Variants in GSG1L observed in about 807,000 individuals in gnomAD.
GSG1L encodes germ cell-specific gene 1-like protein.
GSG1L carries 24 observed loss-of-function variants against 42.1 expected under a neutral mutation model. The ratio of observed to expected loss-of-function variants is 0.57; its 90% CI spans 0.41 to 0.80. GSG1L has a LOEUF of 0.80. GSG1L is among the 30% of genes least tolerant of loss of function. The probability of loss-of-function intolerance (pLI) is 0.00; values close to 1 mark genes in which losing one functional copy is unlikely to be tolerated. For missense variants in GSG1L, 445 were observed against 472.2 expected (o/e 0.94, Z 0.53); for synonymous variants, 215 against 203.5 (o/e 1.06, Z -0.48).
chr16:27,984,424 T>C (rs1004491578), intron 1 of GSG1L, among the ~76,000 whole-genome samples: 8 of 152,172 alleles, frequency 5.3e-5, no homozygotes, highest in Admixed American at 2.0e-4. Flanking sequence ...TTTTGGCCCA[T>C]GGCATGAGTA....
At chr16:27,974,941 A>C (rs1272816644) in intron 1 of GSG1L, among the ~76,000 whole-genome samples, 2 of 152,116 alleles carry the variant, frequency 1.3e-5, no homozygotes, top group African/African-American at 4.8e-5. Flanking sequence ...GCTGGTAACC[A>C]AGGGAAACCC....
At chr16:27,839,250 C>T (rs908478048) in intron 4 of GSG1L, among the ~76,000 whole-genome samples, 24 of 152,168 alleles carry the variant, frequency 1.6e-4, no homozygotes, top group African/African-American at 5.6e-4. Context: ...AGAACCTTCC[C>T]TAGATCTGGC....
chr16:27,923,148 C>G (rs1463259938), intron 2 of GSG1L, among the ~76,000 whole-genome samples: 2 of 152,144 alleles, frequency 1.3e-5, no homozygotes, highest in African/African-American at 4.8e-5. Context: ...TATTCATGGG[C>G]TGCAAAAAAA....
At chr16:27,846,855 G>T (rs1358154808) in intron 3 of GSG1L, among the ~76,000 whole-genome samples, 1 of 151,752 alleles carries the variant, frequency 6.6e-6, no homozygotes, top group Non-Finnish European at 1.5e-5. Context: ...TACTCAGGAG[G>T]CTGAGGCAGG....
intron 2 of GSG1L, among the ~76,000 whole-genome samples, chr16:27,889,396 G>A (rs772432030): frequency 2.0e-5 from 3 of 152,098 alleles, no homozygotes; most frequent in Admixed American, 1.3e-4. Flanking sequence ...TAACAATAAC[G>A]ATTGTTCTTG....
At chr16:27,919,475 C>T (rs1036908604) in intron 2 of GSG1L, among the ~76,000 whole-genome samples, 5 of 152,232 alleles carry the variant, frequency 3.3e-5, no homozygotes, top group African/African-American at 4.8e-5. Context: ...GATCTCCCTA[C>T]GGGGATGACA....
At chr16:28,056,115 G>A (rs2086276569) in intron 1 of GSG1L, among the ~76,000 whole-genome samples, 1 of 152,122 alleles carries the variant, frequency 6.6e-6, no homozygotes, top group African/African-American at 2.4e-5. Flanking sequence ...CATTCCACAA[G>A]TGTTCCCTGA....
At chr16:27,948,132 G>A (rs1361224931) in intron 2 of GSG1L, among the ~76,000 whole-genome samples, 1 of 152,126 alleles carries the variant, frequency 6.6e-6, no homozygotes, top group East Asian at 1.9e-4. Context: ...AGTTCACCTG[G>A]GGACAGGAAG....
At chr16:27,935,765 C>T (rs935290139) in intron 2 of GSG1L, among the ~76,000 whole-genome samples, 1 of 151,100 alleles carries the variant, frequency 6.6e-6, no homozygotes, top group African/African-American at 2.4e-5. Context: ...GCTCCCTGGT[C>T]CTCAGTGTGC....
At chr16:27,969,855 T>C (rs1034617189) in intron 1 of GSG1L, among the ~76,000 whole-genome samples, 17 of 152,242 alleles carry the variant, frequency 1.1e-4, no homozygotes, top group African/African-American at 4.1e-4. Flanking sequence ...TCTCCATGTC[T>C]TCAGCAACAC....
At chr16:27,990,378 T>C (rs1170089797) in intron 1 of GSG1L, among the ~76,000 whole-genome samples, 1 of 152,226 alleles carries the variant, frequency 6.6e-6, no homozygotes, top group African/African-American at 2.4e-5. Context: ...GTTATTAACA[T>C]ACATTCACTA....
chr16:28,018,721 A>T (rs939319146), intron 1 of GSG1L, among the ~76,000 whole-genome samples: 8 of 151,462 alleles, frequency 5.3e-5, no homozygotes, highest in Non-Finnish European at 1.2e-4. Flanking sequence ...CATCAGTCCC[A>T]CTGTTGATGT....
intron 3 of GSG1L, among the ~76,000 whole-genome samples, chr16:27,865,580 CACAT>C (rs1294980233): frequency 2.9e-5 from 3 of 104,518 alleles, no homozygotes; most frequent in Admixed American, 9.4e-5. Context: ...TATACACACA[CACAT>C]ACATACATAC....
At chr16:27,988,985 G>A (rs180926318) in intron 1 of GSG1L, among the ~76,000 whole-genome samples, 7 of 148,848 alleles carry the variant, frequency 4.7e-5, no homozygotes, top group Non-Finnish European at 8.9e-5. Context: ...CCCGGGAGGC[G>A]GATGTTGCAG....
chr16:28,008,289 A>G (rs2141152604), intron 1 of GSG1L, among the ~76,000 whole-genome samples: 1 of 152,356 alleles, frequency 6.6e-6, no homozygotes, highest in East Asian at 1.9e-4. Flanking sequence ...CATGTTGGCC[A>G]GGCTGGTCTC....
intron 2 of GSG1L, among the ~76,000 whole-genome samples, chr16:27,919,616 G>A (rs150510568): frequency 2.5e-4 from 38 of 152,310 alleles, no homozygotes; most frequent in African/African-American, 7.9e-4. Flanking sequence ...CATCATGGCA[G>A]CCAAGAAGAT....
At chr16:27,983,990 A>C (rs1202290503) in intron 1 of GSG1L, among the ~76,000 whole-genome samples, 4 of 152,218 alleles carry the variant, frequency 2.6e-5, no homozygotes, top group Non-Finnish European at 5.9e-5. Context: ...TGCCCATAGC[A>C]TAGATAACCC....
chr16:27,902,397 G>A (rs570658429), intron 2 of GSG1L, among the ~76,000 whole-genome samples: 1 of 152,272 alleles, frequency 6.6e-6, no homozygotes, highest in Admixed American at 6.5e-5. Flanking sequence ...GAACCCCTCT[G>A]GTGACATTTG....
chr16:28,017,350 C>T (rs974086906), intron 1 of GSG1L, among the ~76,000 whole-genome samples: 9 of 152,202 alleles, frequency 5.9e-5, no homozygotes, highest in Non-Finnish European at 8.8e-5. Context: ...GTGGGCAACA[C>T]GGACATTCAG....
Sources: gnomAD v4.1 joint callset for allele counts (sites outside exome capture counted in the v4.1 genomes callset) on GRCh38, gnomAD v4.1.1 for gene constraint, MANE v1.5 for transcripts, NCBI Gene and HGNC (gene_info 2026-07-23, HGNC 2026-07-21) for gene names.